The following CC2D2A variants were observed in gnomAD, a reference collection of about 807,000 sequenced individuals.
The protein encoded by CC2D2A is coiled-coil and C2 domain containing 2A.
CC2D2A carries 155 observed loss-of-function variants against 212.9 expected under a neutral mutation model. The ratio of observed to expected loss-of-function variants is 0.73; its 90% CI spans 0.64 to 0.83. The LOEUF is 0.83. Among genes scored for constraint, CC2D2A ranks in the 40% least tolerant of loss-of-function variants. The pLI, the probability that CC2D2A is intolerant of heterozygous loss-of-function variation, is 0.00. For missense variants in CC2D2A, 1,856 were observed against 1,956.2 expected (o/e 0.95, Z 0.97); for synonymous variants, 667 against 686.5 (o/e 0.97, Z 0.44).
intron 4 of CC2D2A, among the ~76,000 whole-genome samples, chr4:15,501,667 G>C (rs1051337111): frequency 1.3e-5 from 2 of 152,094 alleles, no homozygotes; most frequent in African/African-American, 4.8e-5. Flanking sequence ...GGAATGTGGG[G>C]CTGGGACCAA....
intron 6 of CC2D2A, among the ~76,000 whole-genome samples, chr4:15,505,186 G>C (rs1716188193): frequency 6.6e-6 from 1 of 152,214 alleles, no homozygotes; most frequent in Non-Finnish European, 1.5e-5. Flanking sequence ...GGAGAAACCA[G>C]TTAGGAATAC....
chr4:15,591,569 T>C (rs559349864), intron 33 of CC2D2A, among the ~76,000 whole-genome samples: 32 of 152,262 alleles, frequency 2.1e-4, no homozygotes, highest in Admixed American at 1.8e-3. Context: ...AGATAATATA[T>C]GCCAAGCACG....
chr4:15,572,947 A>G (rs372757688), intron 28 of CC2D2A, among the ~76,000 whole-genome samples: 6 of 152,200 alleles, frequency 3.9e-5, no homozygotes, highest in African/African-American at 1.4e-4. Context: ...AGCATCCAGC[A>G]TGGGAGAAAG....
chr4:15,480,667 CCTGGGAGTCT>C, intron 3 of CC2D2A, 27 bp from the exon 4 acceptor site: 1 of 1,592,148 alleles, frequency 6.3e-7, no homozygotes, highest in South Asian at 1.1e-5. Flanking sequence ...CAAATAAAGT[CCTGGGAGTCT>C]CTGAACCTCT....
intron 18 of CC2D2A, 107 bp downstream of exon 18, chr4:15,551,087 CA>C: frequency 9.8e-7 from 1 of 1,019,506 alleles, no homozygotes; most frequent in Non-Finnish European, 1.3e-6. Flanking sequence ...AAATTGATAT[CA>C]AAAATTCAAA....
At chr4:15,564,332 T>C (rs1475062678) in intron 24 of CC2D2A, 1 of 152,376 alleles carries the variant, frequency 6.6e-6, no homozygotes, top group Non-Finnish European at 1.5e-5. Context: ...CTCAAAGTGC[T>C]GGGATTACTG....
At chr4:15,492,641 C>T in intron 4 of CC2D2A, 1 of 536,442 alleles carries the variant, frequency 1.9e-6, no homozygotes, top group South Asian at 1.7e-5. Flanking sequence ...AGGTGGGGGA[C>T]TAAGGGCGGC....
In CC2D2A at chr4:15,546,281, C is replaced by T. The variant is rs138035517; in HGVS notation, c.2182-4543C>T. Among the ~76,000 whole-genome samples the T allele has an allele frequency of 3.9e-3, 593 of 152,234 alleles. 4 individuals carry two copies. Among genetic ancestry groups the T allele is most frequent in the African/African-American group, 0.013 (557 of 41,546 alleles). ...AAATTTGGCTTAGAAATTTAAAAAG[C>T]TTTGCCTTCATTTTTGTGTCATTTG... On this transcript the variant is annotated intron_variant, in intron 17 of 36. Transcript: ENST00000424120.
intron 32 of CC2D2A, among the ~76,000 whole-genome samples, chr4:15,588,146 T>C (rs1720936499): frequency 1.3e-5 from 2 of 152,198 alleles, no homozygotes; most frequent in Non-Finnish European, 2.9e-5. Context: ...AGATTATTTT[T>C]TGGCAAACCC....
At chr4:15,485,384 G>GTAT (rs1275309758) in intron 4 of CC2D2A, among the ~76,000 whole-genome samples, 4 of 152,124 alleles carry the variant, frequency 2.6e-5, no homozygotes, top group Non-Finnish European at 5.9e-5. Flanking sequence ...ATCCATTGAT[G>GTAT]GATACTTAGG....
intron 13 of CC2D2A, 107 bp downstream of exon 13, chr4:15,528,833 A>G: frequency 1.4e-6 from 1 of 704,010 alleles, no homozygotes; most frequent in Middle Eastern, 3.6e-4. Context: ...TACATGTGAA[A>G]TTATGCCATA....
chr4:15,529,554 T>C (rs1174455611), intron 13 of CC2D2A, among the ~76,000 whole-genome samples: 1 of 152,196 alleles, frequency 6.6e-6, no homozygotes, highest in Non-Finnish European at 1.5e-5. Context: ...TGCAACTTGC[T>C]TCTTTATATA....
At chr4:15,500,107 G>GTGTGTGTATATATATATATA (rs1479141284) in intron 4 of CC2D2A, among the ~76,000 whole-genome samples, 5 of 112,928 alleles carry the variant, frequency 4.4e-5, no homozygotes, top group Admixed American at 9.2e-5. Flanking sequence ...GTGTGTGTGT[G>GTGTGTGTATATATATATATA]TATATATATA....
chr4:15,492,827 C>T, intron 4 of CC2D2A: 1 of 634,732 alleles, frequency 1.6e-6, no homozygotes, highest in South Asian at 1.4e-5. Context: ...TCACTGAGGG[C>T]AATGCCAGCC....
chr4:15,569,380 T>A lies in CC2D2A; in HGVS notation c.3486T>A (p.Asp1162Glu). 1 of 1,556,974 alleles carries A rather than the reference T, an allele frequency of 6.4e-7. No homozygotes were observed. The highest frequency in any genetic ancestry group is 1.4e-5 in the African/African-American group (1 of 74,000). ...ACATTTTTGATGAAGTACTGCATGA[T>A]GTCTTAGAGGTAAGTTCTCAGTTTT... ...FINIFDEVLH[D>E]VLEDDRERGS... The change falls in exon 27 of 37, where the codon GAT (aspartate) becomes GAA (glutamate). Residue 1162 changes from aspartate to glutamate, a missense_variant. Physicochemically the swap from Asp to Glu is conservative, Grantham distance 45. This residue lies in a region of CC2D2A where 1,512 missense variants were observed against 1,579.3 expected (regional missense o/e 0.96). Coordinates refer to ENST00000424120, the MANE Select transcript of CC2D2A (RefSeq NM_001378615.1).
At chr4:15,526,052 TATAATC>T (rs1717493334) in intron 11 of CC2D2A, among the ~76,000 whole-genome samples, 1 of 152,216 alleles carries the variant, frequency 6.6e-6, no homozygotes, top group African/African-American at 2.4e-5. Flanking sequence ...GTTCAAAACT[TATAATC>T]ATAGGACTCT....
chr4:15,505,056 T>G (rs1249449657), intron 6 of CC2D2A, among the ~76,000 whole-genome samples: 2 of 152,156 alleles, frequency 1.3e-5, no homozygotes, highest in East Asian at 3.8e-4. Context: ...TTCTTGGTAT[T>G]GTTTTGAGGA....
Position 15,557,477 on chromosome 4 carries a change from T to C in CC2D2A, c.2799T>C (p.Tyr933=). Residue 933 remains tyrosine (Y), a synonymous_variant, in exon 21 of 37, where the codon TAT becomes TAC. Transcript: ENST00000424120. ...EFRNYKQVPV[Y]DREIMEKVFQ... Reference sequence around the variant, plus strand: ...GAAATTATAAGCAAGTTCCAGTCTATGACCGAGAAATTATGGAAAAGGTAT... The same window carrying C: ...GAAATTATAAGCAAGTTCCAGTCTACGACCGAGAAATTATGGAAAAGGTAT... 1.2e-6 allele frequency: 2 copies of C among 1,609,934 alleles called. No individual in the cohort carries two copies. The highest frequency in any genetic ancestry group is 1.7e-6 in the Non-Finnish European group (2 of 1,178,200).
At chr4:15,486,327 T>C (rs1258961908) in intron 4 of CC2D2A, among the ~76,000 whole-genome samples, 3 of 152,186 alleles carry the variant, frequency 2.0e-5, no homozygotes, top group East Asian at 3.9e-4. Context: ...ACTGCTTCTA[T>C]CTCATTACTT....
Sources: allele counts gnomAD v4.1 joint callset (sites outside exome capture counted in the v4.1 genomes callset), GRCh38; gene constraint gnomAD v4.1.1; regional missense constraint gnomAD v4.1.1; transcripts MANE v1.5; gene names NCBI Gene and HGNC (gene_info 2026-07-23, HGNC 2026-07-21).